CLYBL: variants seen among roughly 807,000 people sequenced by gnomAD.
CLYBL encodes citramalyl-CoA lyase, mitochondrial.
A neutral mutation model predicts 38.9 loss-of-function variants in CLYBL; 31 were observed. The ratio of observed to expected loss-of-function variants is 0.80; its 90% CI spans 0.60 to 1.08. The LOEUF (loss-of-function observed/expected upper bound fraction) is 1.08, where lower values mean the gene tolerates loss of function less well. CLYBL is among the 50% of genes least tolerant of loss of function. The pLI, the probability that CLYBL is intolerant of heterozygous loss-of-function variation, is 0.00. For synonymous variants in CLYBL, 171 were observed against 158.6 expected, an observed-to-expected ratio of 1.08 and a Z score of -0.59; for missense variants, 434 against 411.6, an observed-to-expected ratio of 1.05 and a Z score of -0.47.
At chr13:99,837,770 C>T (rs1255318526) in intron 2 of CLYBL, among the ~76,000 whole-genome samples, 1 of 152,124 alleles carries the variant, frequency 6.6e-6, no homozygotes, top group African/African-American at 2.4e-5. Context: ...CAACCCTGGC[C>T]GTCCAGCAGG....
At chr13:99,731,849 T>A (rs2806279) in intron 1 of CLYBL, among the ~76,000 whole-genome samples, 9,573 of 152,220 alleles carry the variant, frequency 0.063, 338 homozygotes, top group South Asian at 0.12. Flanking sequence ...CACACCAGAA[T>A]GGTTTCACTT....
At chr13:99,711,972 C>T (rs549799636) in intron 1 of CLYBL, among the ~76,000 whole-genome samples, 7 of 152,180 alleles carry the variant, frequency 4.6e-5, no homozygotes, top group African/African-American at 1.7e-4. Context: ...GCCTTGGCCT[C>T]CCAAAGTGCT....
intron 2 of CLYBL, among the ~76,000 whole-genome samples, chr13:99,809,738 G>A (rs1287977256): frequency 6.6e-6 from 1 of 152,222 alleles, no homozygotes; most frequent in Non-Finnish European, 1.5e-5. Context: ...GCTCCCTCCC[G>A]GCCTTCACTT....
At chr13:99,691,604 ACAAAAAACAAAAAAC>A (rs1427565671) in intron 1 of CLYBL, among the ~76,000 whole-genome samples, 3 of 144,516 alleles carry the variant, frequency 2.1e-5, no homozygotes, top group Non-Finnish European at 1.6e-5. Flanking sequence ...AAACCAAAAA[ACAAAAAACAAAAAAC>A]CAGCACTAGG....
At chr13:99,675,134 G>A (rs548356440) in intron 1 of CLYBL, among the ~76,000 whole-genome samples, 2 of 152,266 alleles carry the variant, frequency 1.3e-5, no homozygotes, top group Admixed American at 6.5e-5. Flanking sequence ...GTAGAAGCAT[G>A]GAATGGATTT....
At chr13:99,703,695 C>A (rs561040265) in intron 1 of CLYBL, among the ~76,000 whole-genome samples, 1 of 152,176 alleles carries the variant, frequency 6.6e-6, no homozygotes, top group African/African-American at 2.4e-5. Flanking sequence ...TATACATGTC[C>A]TTTACACAGG....
chr13:99,738,501 A>G (rs117936557), intron 1 of CLYBL, among the ~76,000 whole-genome samples: 4,819 of 152,230 alleles, frequency 0.032, 109 homozygotes, highest in African/African-American at 0.046. Context: ...GGTACCTGCA[A>G]TTAACCAGGT....
chr13:99,820,965 C>T (rs780718795), intron 2 of CLYBL, among the ~76,000 whole-genome samples: 1 of 152,192 alleles, frequency 6.6e-6, no homozygotes, highest in Non-Finnish European at 1.5e-5. Flanking sequence ...ATTGTGTCTA[C>T]TACTGTACAG....
intron 1 of CLYBL, among the ~76,000 whole-genome samples, chr13:99,718,791 C>T (rs910256159): frequency 6.6e-6 from 1 of 152,002 alleles, no homozygotes; most frequent in Non-Finnish European, 1.5e-5. Context: ...GCCCTAGTTT[C>T]TATCTTGTTT....
chr13:99,627,653 G>A (rs2046889083), intron 1 of CLYBL, among the ~76,000 whole-genome samples: 1 of 152,038 alleles, frequency 6.6e-6, no homozygotes, highest in South Asian at 2.1e-4. Context: ...TTCACACTTG[G>A]CATTTAAAAG....
chr13:99,858,606 A>G (rs2051517164), intron 2 of CLYBL, among the ~76,000 whole-genome samples: 1 of 152,250 alleles, frequency 6.6e-6, no homozygotes, highest in African/African-American at 2.4e-5. Context: ...CGACACTTCC[A>G]TACAGAAGCA....
At chr13:99,881,822 CA>C (rs1454873632) in intron 7 of CLYBL, among the ~76,000 whole-genome samples, 2 of 151,996 alleles carry the variant, frequency 1.3e-5, no homozygotes, top group Non-Finnish European at 2.9e-5. Context: ...ATCCTCCTAA[CA>C]ACTGCTTTAG....
chr13:99,676,240 T>TTCCTTCCTTC lies in CLYBL; in HGVS notation c.62+69483_62+69484insTCCTTCCTTC, dbSNP rs1566606854. Reference sequence around the variant, plus strand: ...TCCTTCCTTCCTTCCTTCCTTCCTTTCCTCCCTTTCTTTTTCTTTTTCTAT... The same window carrying TTCCTTCCTTC: ...TCCTTCCTTCCTTCCTTCCTTCCTTTTCCTTCCTTCCCTCCCTTTCTTTTTCTTTTTCTAT... On this transcript the variant is annotated intron_variant, in intron 1 of 8. Transcript: ENST00000339105. 3.8e-3 allele frequency among the ~76,000 whole-genome samples: 319 copies of TTCCTTCCTTC among 84,240 alleles called. 2 individuals are homozygous for TTCCTTCCTTC. The highest frequency in any genetic ancestry group is 0.013 in the African/African-American group (304 of 22,770). The allele number at this position is 84,240 out of a possible 152,430, so 55.3% of individuals were successfully genotyped here.
At chr13:99,773,942 C>T (rs1037459986) in intron 2 of CLYBL, among the ~76,000 whole-genome samples, 1 of 151,994 alleles carries the variant, frequency 6.6e-6, no homozygotes, top group African/African-American at 2.4e-5. Flanking sequence ...AAATATCCAA[C>T]TTGTAGGCCG....
Position 99,789,435 on chromosome 13 carries a change from C to T in CLYBL, c.249+16425C>T, listed in dbSNP as rs531610884. Among the ~76,000 whole-genome samples the T allele has an allele frequency of 7.0e-4, 106 of 152,292 alleles. No individual in the cohort carries two copies. The South Asian group carries it at 0.021, about 31-fold the overall frequency. ...TTGGTTTCAAAGAACATCTTTATTT[C>T]TGCCTTCATTTCGTTATGTACCCAG... On this transcript the variant is annotated intron_variant, in intron 2 of 8. Coordinates refer to ENST00000339105, the MANE Select transcript of CLYBL (RefSeq NM_206808.5).
Position 99,837,010 on chromosome 13 carries a change from G to A in CLYBL, c.250-21851G>A, listed in dbSNP as rs549225157. Among the ~76,000 whole-genome samples the A allele has an allele frequency of 5.3e-5, 8 of 152,078 alleles. No individual in the cohort carries two copies. In the South Asian group the frequency reaches 1.5e-3, roughly 28 times the overall value. ...CATATGTAACAAACCTGCACGTTGT[G>A]CACATGTACCCTAAAACTTAAAGTA... On this transcript the variant is annotated intron_variant, in intron 2 of 8. Coordinates refer to ENST00000339105, the MANE Select transcript of CLYBL (RefSeq NM_206808.5).
chr13:99,876,457 A>G (rs1373424054), intron 7 of CLYBL, among the ~76,000 whole-genome samples: 1 of 150,726 alleles, frequency 6.6e-6, no homozygotes, highest in Non-Finnish European at 1.5e-5. Context: ...TTTTTAATGT[A>G]GATTAAATCG....
intron 1 of CLYBL, among the ~76,000 whole-genome samples, chr13:99,675,610 C>A (rs187796208): frequency 5.3e-5 from 8 of 152,320 alleles, no homozygotes; most frequent in Non-Finnish European, 1.0e-4. Context: ...TCTTCATATA[C>A]ATGGAATCAT....
chr13:99,856,741 C>T lies in CLYBL; in HGVS notation c.250-2120C>T, dbSNP rs928865424. Among the ~76,000 whole-genome samples the T allele has an allele frequency of 7.5e-4, 114 of 152,030 alleles. 1 individual carries two copies. The highest frequency in any genetic ancestry group is 6.5e-4 in the African/African-American group (27 of 41,500). Reference sequence around the variant, plus strand: ...GCAACCTCTACCTCCTGGGTTCAAACGATTCTCCTGCCTCAGCCTCCCGAG... The same window carrying T: ...GCAACCTCTACCTCCTGGGTTCAAATGATTCTCCTGCCTCAGCCTCCCGAG... On this transcript the variant is annotated intron_variant, in intron 2 of 8. Transcript: ENST00000339105.
Sources: allele counts gnomAD v4.1 joint callset (sites outside exome capture counted in the v4.1 genomes callset), GRCh38; gene constraint gnomAD v4.1.1; transcripts MANE v1.5; gene names NCBI Gene and HGNC (gene_info 2026-07-23, HGNC 2026-07-21).